The following CACNA2D1 variants were observed in gnomAD, a reference collection of about 807,000 sequenced individuals.
CACNA2D1 encodes calcium voltage-gated channel auxiliary subunit alpha2delta 1, also known as voltage-dependent calcium channel subunit alpha-2/delta-1.
A neutral mutation model predicts 171.5 loss-of-function variants in CACNA2D1; 53 were observed. That is an observed-to-expected ratio of 0.31 (90% CI 0.25 to 0.39). CACNA2D1 has a LOEUF of 0.39. Ranked by LOEUF, CACNA2D1 falls within the 10% of genes least tolerant of loss-of-function variation. The probability of loss-of-function intolerance (pLI) is 1.00; values close to 1 mark genes in which losing one functional copy is unlikely to be tolerated. For synonymous variants in CACNA2D1, 442 were observed against 443.1 expected (o/e 1.00, Z 0.03); for missense variants, 903 against 1,299.8 (o/e 0.69, Z 4.69).
chr7:82,109,686 T>C (rs1197936056), intron 6 of CACNA2D1, among the ~76,000 whole-genome samples: 1 of 152,206 alleles, frequency 6.6e-6, no homozygotes, highest in Non-Finnish European at 1.5e-5. Flanking sequence ...ATGGTAATAT[T>C]TTGAGTTAGT....
intron 12 of CACNA2D1, among the ~76,000 whole-genome samples, chr7:82,018,499 C>G (rs544011561): frequency 5.3e-5 from 8 of 152,062 alleles, no homozygotes; most frequent in Non-Finnish European, 8.8e-5. Context: ...CATTCTTAAT[C>G]TTTTTATTTA....
chr7:82,362,686 G>C (rs1480632956), intron 1 of CACNA2D1, among the ~76,000 whole-genome samples: 5 of 152,094 alleles, frequency 3.3e-5, no homozygotes, highest in Non-Finnish European at 5.9e-5. Context: ...GGAAATAGTG[G>C]CCTCATACTC....
intron 1 of CACNA2D1, among the ~76,000 whole-genome samples, chr7:82,416,445 T>C (rs1401446610): frequency 6.6e-6 from 1 of 151,930 alleles, no homozygotes; most frequent in African/African-American, 2.4e-5. Context: ...ACAACATAAA[T>C]GTATTGTCTC....
chr7:82,043,805 G>A (rs545913641), intron 10 of CACNA2D1, among the ~76,000 whole-genome samples: 4 of 152,160 alleles, frequency 2.6e-5, no homozygotes, highest in African/African-American at 9.6e-5. Flanking sequence ...CTTAATACAC[G>A]CTACAAGTCA....
chr7:82,185,194 T>G (rs1012337491), intron 3 of CACNA2D1, among the ~76,000 whole-genome samples: 1 of 151,936 alleles, frequency 6.6e-6, no homozygotes, highest in Non-Finnish European at 1.5e-5. Flanking sequence ...ATTAAGCATT[T>G]GAAAAAAGTC....
intron 18 of CACNA2D1, among the ~76,000 whole-genome samples, chr7:82,003,855 C>T (rs746783465): frequency 1.2e-4 from 18 of 151,724 alleles, no homozygotes; most frequent in Non-Finnish European, 1.9e-4. Flanking sequence ...AGAGATTCTC[C>T]CTGACTCAGC....
chr7:82,210,374 A>G (rs187290413), intron 3 of CACNA2D1, among the ~76,000 whole-genome samples: 63 of 152,296 alleles, frequency 4.1e-4, no homozygotes, highest in African/African-American at 1.5e-3. Context: ...AAACGGTAAC[A>G]ATATTGACTC....
At chr7:82,123,391 C>T (rs1789969430) in intron 5 of CACNA2D1, among the ~76,000 whole-genome samples, 1 of 152,110 alleles carries the variant, frequency 6.6e-6, no homozygotes, top group African/African-American at 2.4e-5. Context: ...TTTATTTTGC[C>T]TACTGCAAGA....
At chr7:82,033,705 C>G (rs1211385355) in intron 11 of CACNA2D1, among the ~76,000 whole-genome samples, 1 of 152,032 alleles carries the variant, frequency 6.6e-6, no homozygotes. Context: ...TCTTCTTACA[C>G]TTTAAGGTCT....
At chr7:82,378,831 G>C (rs1374934753) in intron 1 of CACNA2D1, among the ~76,000 whole-genome samples, 1 of 152,074 alleles carries the variant, frequency 6.6e-6, no homozygotes, top group East Asian at 1.9e-4. Context: ...TTCTGTATTT[G>C]TCAGGATGGC....
At chr7:82,367,985 A>G (rs1821941319) in intron 1 of CACNA2D1, among the ~76,000 whole-genome samples, 1 of 152,186 alleles carries the variant, frequency 6.6e-6, no homozygotes, top group Non-Finnish European at 1.5e-5. Context: ...AAATAAAAGG[A>G]TCACTGTTTC....
intron 18 of CACNA2D1, among the ~76,000 whole-genome samples, chr7:81,998,819 A>G (rs1022660566): frequency 6.6e-6 from 1 of 152,164 alleles, no homozygotes; most frequent in Admixed American, 6.5e-5. Flanking sequence ...AGCGTATTTT[A>G]AAAGAATAAA....
chr7:82,195,422 A>G (rs1239114212), intron 3 of CACNA2D1, among the ~76,000 whole-genome samples: 1 of 152,056 alleles, frequency 6.6e-6, no homozygotes, highest in Non-Finnish European at 1.5e-5. Context: ...GTATATTGAT[A>G]CAGCACAGAT....
chr7:82,262,428 C>T (rs1807246307), intron 3 of CACNA2D1, among the ~76,000 whole-genome samples: 1 of 152,134 alleles, frequency 6.6e-6, no homozygotes, highest in South Asian at 2.1e-4. Context: ...GAGAAAAGTG[C>T]TTTGGTCACT....
At chr7:82,198,741 A>G (rs1396651962) in intron 3 of CACNA2D1, among the ~76,000 whole-genome samples, 2 of 151,756 alleles carry the variant, frequency 1.3e-5, no homozygotes, top group Admixed American at 1.3e-4. Flanking sequence ...GCTTATGGAT[A>G]GGAAACCTAA....
At chr7:82,377,023 A>G (rs1426014365) in intron 1 of CACNA2D1, among the ~76,000 whole-genome samples, 2 of 152,168 alleles carry the variant, frequency 1.3e-5, no homozygotes, top group Admixed American at 6.5e-5. Flanking sequence ...TAATGCAAGG[A>G]TTATTGATAG....
chr7:82,329,716 T>C lies in CACNA2D1; in HGVS notation c.294+5419A>G, dbSNP rs150388797. Among the ~76,000 whole-genome samples, 38 of 152,254 alleles carry C rather than the reference T, an allele frequency of 2.5e-4. 1 individual carries two copies. In the East Asian group the frequency reaches 7.1e-3, roughly 29 times the overall value. ...ATTGCTTAAGAATAATCCAATGATA[T>C]TAGTTATATAATCATTGCAGGGAGC... is the stretch of plus-strand genomic sequence containing the variant. On this transcript the variant is annotated intron_variant, in intron 3 of 38. Transcript: ENST00000356860.
chr7:81,950,890 T>C (rs976527729), intron 38 of CACNA2D1, among the ~76,000 whole-genome samples: 5 of 152,116 alleles, frequency 3.3e-5, no homozygotes, highest in African/African-American at 9.7e-5. Context: ...AGAATTATGA[T>C]TTTAGCAACT....
intron 36 of CACNA2D1, 136 bp from the exon 37 acceptor site, chr7:81,959,965 A>T: frequency 7.4e-7 from 1 of 1,350,622 alleles, no homozygotes; most frequent in South Asian, 1.4e-5. Flanking sequence ...GCACAATAGG[A>T]GTATGATTTT....
Sources: gnomAD v4.1 joint callset for allele counts (sites outside exome capture counted in the v4.1 genomes callset) on GRCh38, gnomAD v4.1.1 for gene constraint, MANE v1.5 for transcripts, NCBI Gene and HGNC (gene_info 2026-07-23, HGNC 2026-07-21) for gene names.